Variants in PVT1 observed in about 807,000 individuals in gnomAD.
PVT1 encodes the protein CXCR4/PVT1 fusion.
intron 4 of PVT1, among the ~76,000 whole-genome samples, chr8:128,018,827 C>G (rs558051804): frequency 4.1e-4 from 62 of 152,318 alleles, no homozygotes; most frequent in African/African-American, 1.2e-3. Context: ...CTCCTCCCCC[C>G]ACCACTTAAA....
chr8:127,998,825 T>TTCCC (rs1817139657), intron 4 of PVT1, among the ~76,000 whole-genome samples: 3 of 142,224 alleles, frequency 2.1e-5, no homozygotes, highest in African/African-American at 8.4e-5. Flanking sequence ...CTCCCCTTCC[T>TTCCC]TCCTTCCTTC....
chr8:128,056,437 G>A (rs904093340), intron 4 of PVT1, among the ~76,000 whole-genome samples: 1 of 152,100 alleles, frequency 6.6e-6, no homozygotes, highest in Admixed American at 6.5e-5. Context: ...TATATTCATT[G>A]CGTGTATACA....
At chr8:127,901,340 C>T (rs1036022707) in intron 3 of PVT1, among the ~76,000 whole-genome samples, 3 of 152,074 alleles carry the variant, frequency 2.0e-5, no homozygotes, top group African/African-American at 7.2e-5. Flanking sequence ...GTGGGGGACC[C>T]AGAGTTACTG....
intron 4 of PVT1, among the ~76,000 whole-genome samples, chr8:128,007,392 A>G (rs1817259831): frequency 6.6e-6 from 1 of 152,098 alleles, no homozygotes; most frequent in African/African-American, 2.4e-5. Context: ...TTAAACTCTT[A>G]CTTTGTACAT....
intron 5 of PVT1, among the ~76,000 whole-genome samples, chr8:128,078,572 A>G (rs1037143662): frequency 3.3e-5 from 5 of 152,124 alleles, no homozygotes; most frequent in Admixed American, 2.6e-4. Context: ...AGGTGGTGTT[A>G]TTGTTATTAG....
At chr8:127,972,619 A>G (rs1816776550) in intron 3 of PVT1, among the ~76,000 whole-genome samples, 1 of 152,108 alleles carries the variant, frequency 6.6e-6, no homozygotes, top group Non-Finnish European at 1.5e-5. Flanking sequence ...GGCACCTGTA[A>G]TCCCAGCTAC....
intron 4 of PVT1, among the ~76,000 whole-genome samples, chr8:128,026,962 T>TG (rs1813302804): frequency 6.6e-6 from 1 of 152,144 alleles, no homozygotes; most frequent in Non-Finnish European, 1.5e-5. Flanking sequence ...GTCTGCCACC[T>TG]CCCAGCCCCT....
chr8:128,017,904 G>T (rs16902553), intron 4 of PVT1, among the ~76,000 whole-genome samples: 2,271 of 152,280 alleles, frequency 0.015, 54 homozygotes, highest in African/African-American at 0.051. Context: ...TTCAGCTCCT[G>T]TGTTCACCAG....
rs1280832628 is a variant in PVT1 at position 127,817,546 on chromosome 8, T to TATATATATATAC, written n.372+21476_372+21477insTATATATATACA. 2.7e-4 allele frequency among the ~76,000 whole-genome samples: 24 copies of TATATATATATAC among 89,928 alleles called. 1 individual carries two copies. The highest frequency in any genetic ancestry group is 3.7e-4 in the South Asian group (1 of 2,682). The allele number at this position is 89,928 out of a possible 152,430, so 59.0% of individuals were successfully genotyped here. A position where few individuals can be genotyped will look rare whatever the true frequency, so the allele number is the denominator to read the frequency against. ...CTATTTAAATATATATATATATATA[T>TATATATATATAC]ACACACACACACACATATATATATA... On this transcript the variant is annotated intron_variant and non_coding_transcript_variant, in intron 2 of 10. Transcript: ENST00000651587.
chr8:128,034,448 C>T (rs548080010), intron 4 of PVT1, among the ~76,000 whole-genome samples: 1 of 152,308 alleles, frequency 6.6e-6, no homozygotes, highest in Admixed American at 6.5e-5. Context: ...TCCAGGGCTT[C>T]GCTCTGGTCC....
chr8:127,989,906 G>T (rs1439368014), intron 4 of PVT1, among the ~76,000 whole-genome samples: 2 of 152,170 alleles, frequency 1.3e-5, no homozygotes, highest in African/African-American at 2.4e-5. Flanking sequence ...GTAAAATAGG[G>T]ATGGTATTAG....
intron 5 of PVT1, among the ~76,000 whole-genome samples, chr8:128,087,407 A>G (rs1473581213): frequency 6.6e-6 from 1 of 152,220 alleles, no homozygotes; most frequent in Non-Finnish European, 1.5e-5. Flanking sequence ...ATGATGCTGC[A>G]ACCAGCTTTG....
At chr8:127,961,814 C>T (rs1816646249) in intron 3 of PVT1, among the ~76,000 whole-genome samples, 1 of 152,196 alleles carries the variant, frequency 6.6e-6, no homozygotes, top group Non-Finnish European at 1.5e-5. Flanking sequence ...GTGGGGATGG[C>T]CTTCAGGAGC....
chr8:127,797,923 T>A (rs1407360819), intron 2 of PVT1, among the ~76,000 whole-genome samples: 2 of 152,076 alleles, frequency 1.3e-5, no homozygotes, highest in African/African-American at 4.8e-5. Context: ...GTCACACAGC[T>A]TGGGAGAGGC....
intron 2 of PVT1, among the ~76,000 whole-genome samples, chr8:127,846,995 TTTTTTTTG>T (rs1325407066): frequency 4.4e-4 from 44 of 99,274 alleles, no homozygotes; most frequent in African/African-American, 1.7e-3. Context: ...TTTTTTTTTT[TTTTTTTTG>T]TTGTTGTTGT....
intron 2 of PVT1, among the ~76,000 whole-genome samples, chr8:127,800,464 C>T (rs934070118): frequency 1.3e-5 from 2 of 152,134 alleles, no homozygotes; most frequent in Non-Finnish European, 2.9e-5. Flanking sequence ...TGCAAAGTCT[C>T]CCCGGCCCCA....
intron 4 of PVT1, among the ~76,000 whole-genome samples, chr8:128,044,019 T>TTA (rs1164344449): frequency 1.8e-3 from 177 of 99,132 alleles, no homozygotes; most frequent in African/African-American, 5.6e-3. Context: ...TTATTTATTT[T>TTA]TTTTTTTTTT....
intron 2 of PVT1, among the ~76,000 whole-genome samples, chr8:127,844,800 G>A (rs919152789): frequency 6.6e-6 from 1 of 151,910 alleles, no homozygotes; most frequent in African/African-American, 2.4e-5. Context: ...TGCAAGCTCC[G>A]CCTCCTGGGT....
At chr8:128,068,395 A>C (rs1813937762) in intron 4 of PVT1, among the ~76,000 whole-genome samples, 1 of 152,166 alleles carries the variant, frequency 6.6e-6, no homozygotes, top group African/African-American at 2.4e-5. Context: ...CACATCAGTG[A>C]ACTTGGGGTC....
Sources: gnomAD v4.1 joint callset for allele counts (sites outside exome capture counted in the v4.1 genomes callset) on GRCh38, gnomAD v4.1.1 for gene constraint, MANE v1.5 for transcripts, NCBI Gene and HGNC (gene_info 2026-07-23, HGNC 2026-07-21) for gene names.